The following PATJ variants were observed in gnomAD, a reference collection of about 807,000 sequenced individuals.
PATJ encodes the protein inaD-like protein.
In PATJ, 190 loss-of-function variants were observed where a neutral mutation model predicts 224.9. The observed-to-expected ratio is 0.84, with a 90% CI of 0.75 to 0.95. The LOEUF is 0.95. PATJ is among the 40% of genes least tolerant of loss of function. The probability of loss-of-function intolerance (pLI) is 0.00; values close to 1 mark genes in which losing one functional copy is unlikely to be tolerated. For missense variants in PATJ, 2,121 were observed against 2,270.3 expected (o/e 0.93, Z 1.34); for synonymous variants, 769 against 820.3 (o/e 0.94, Z 1.07).
At chr1:61,818,719 T>A (rs945290526) in intron 14 of PATJ, among the ~76,000 whole-genome samples, 1 of 152,172 alleles carries the variant, frequency 6.6e-6, no homozygotes, top group Admixed American at 6.5e-5. Flanking sequence ...CCATTTAAGT[T>A]TTCTAGGGAG....
chr1:62,074,343 A>C (rs866550602), intron 31 of PATJ, among the ~76,000 whole-genome samples: 77 of 152,156 alleles, frequency 5.1e-4, no homozygotes, highest in Middle Eastern at 6.8e-3. Flanking sequence ...TGTACCCTAA[A>C]ACTTAAAGTA....
At chr1:62,106,063 A>AAAAAATATAT (rs34767684) in intron 33 of PATJ, among the ~76,000 whole-genome samples, 23 of 39,662 alleles carry the variant, frequency 5.8e-4, no homozygotes, top group Non-Finnish European at 1.0e-3. Flanking sequence ...AAAAAAAAAA[A>AAAAAATATAT]ATATATATAT....
At chr1:62,021,186 G>A (rs973361938) in intron 29 of PATJ, among the ~76,000 whole-genome samples, 1 of 152,094 alleles carries the variant, frequency 6.6e-6, no homozygotes, top group Admixed American at 6.6e-5. Flanking sequence ...GGCTCTAGCA[G>A]ATTTGATGTC....
intron 29 of PATJ, among the ~76,000 whole-genome samples, chr1:62,030,454 G>C (rs1287089715): frequency 6.6e-6 from 1 of 152,090 alleles, no homozygotes; most frequent in African/African-American, 2.4e-5. Context: ...TGGTGTCTGT[G>C]CCTTTGCTTA....
chr1:61,932,610 CTG>C (rs1676198541), intron 27 of PATJ, among the ~76,000 whole-genome samples: 1 of 152,184 alleles, frequency 6.6e-6, no homozygotes, highest in African/African-American at 2.4e-5. Context: ...GATAAAATAA[CTG>C]TAGTGTGCGG....
chr1:61,937,657 T>C (rs1023758382), intron 27 of PATJ, among the ~76,000 whole-genome samples: 2 of 150,184 alleles, frequency 1.3e-5, no homozygotes, highest in African/African-American at 4.9e-5. Flanking sequence ...CTTCTTTTTT[T>C]TTTTTTTTTT....
intron 43 of PATJ, among the ~76,000 whole-genome samples, chr1:62,159,966 A>G (rs548410089): frequency 2.0e-5 from 3 of 152,172 alleles, no homozygotes; most frequent in African/African-American, 7.2e-5. Context: ...AGATCTCAGG[A>G]GCGTTAGTGC....
chr1:61,810,718 ATAAAT>A (rs1159199932), intron 14 of PATJ, among the ~76,000 whole-genome samples: 5 of 149,728 alleles, frequency 3.3e-5, no homozygotes, highest in Admixed American at 6.6e-5. Flanking sequence ...AAATAAATAA[ATAAAT>A]AAATAAATAA....
intron 21 of PATJ, 119 bp from the exon 22 acceptor site, chr1:61,884,118 T>G (rs1475676022): frequency 3.5e-6 from 2 of 573,866 alleles, no homozygotes; most frequent in Non-Finnish European, 6.0e-6. Context: ...TACTTTAATA[T>G]TTTCAGTCTC....
Position 61,833,664 on chromosome 1 carries a change from A to G in PATJ, c.1991A>G (p.Asn664Ser). 1 of 1,612,298 alleles carries G rather than the reference A, an allele frequency of 6.2e-7. No homozygotes were observed. The highest frequency in any genetic ancestry group is 1.3e-5 in the African/African-American group (1 of 74,958). ...TCTTTGGTATTTCAGGTTGACCACA[A>G]TATGGATGTCAATACTGAAGAAGAT... is the stretch of plus-strand genomic sequence containing the variant. ...TSLPETEVDHNMDVNTEEDDD... is the reference protein window; with the variant it reads ...TSLPETEVDHSMDVNTEEDDD... The change falls in exon 17 of 44, where the codon AAT becomes AGT. Residue 664 changes from asparagine (N) to serine (S), a missense_variant. Transcript: ENST00000642238.
chr1:61,790,422 A>C (rs1270112309), intron 8 of PATJ, among the ~76,000 whole-genome samples: 1 of 151,704 alleles, frequency 6.6e-6, no homozygotes, highest in African/African-American at 2.4e-5. Context: ...TTGTTAGTTC[A>C]TAGTTAGTTC....
chr1:62,051,297 TTTTTTG>T (rs957817653), intron 31 of PATJ, among the ~76,000 whole-genome samples: 1 of 152,070 alleles, frequency 6.6e-6, no homozygotes, highest in Admixed American at 6.6e-5. Context: ...TCTCCTCTTT[TTTTTTG>T]TTTTTGTTTT....
chr1:61,829,367 G>C (rs1003089829), intron 16 of PATJ, among the ~76,000 whole-genome samples: 2 of 152,138 alleles, frequency 1.3e-5, no homozygotes, highest in African/African-American at 2.4e-5. Flanking sequence ...GACTTTTGCT[G>C]TCCTTACCAA....
At chr1:62,129,075 G>C in intron 41 of PATJ, 130 bp downstream of exon 41, 1 of 531,524 alleles carries the variant, frequency 1.9e-6, no homozygotes, top group Non-Finnish European at 3.4e-6. Flanking sequence ...AAGGTTGAAA[G>C]CAAGAAATTA....
At chr1:61,975,084 A>G (rs1271144339) in intron 27 of PATJ, among the ~76,000 whole-genome samples, 1 of 151,982 alleles carries the variant, frequency 6.6e-6, no homozygotes, top group Non-Finnish European at 1.5e-5. Context: ...AGCTGGGACT[A>G]TAGGCATGAG....
chr1:62,119,819 C>G (rs897016706), intron 37 of PATJ, among the ~76,000 whole-genome samples: 3 of 152,112 alleles, frequency 2.0e-5, no homozygotes, highest in African/African-American at 7.2e-5. Flanking sequence ...TGGTGGGCTC[C>G]TGTAACCCCA....
At chr1:61,850,066 T>G (rs1490992898) in intron 17 of PATJ, among the ~76,000 whole-genome samples, 3 of 152,220 alleles carry the variant, frequency 2.0e-5, no homozygotes, top group Non-Finnish European at 4.4e-5. Flanking sequence ...ACTTCGTGTC[T>G]TTTCACTGAG....
intron 21 of PATJ, among the ~76,000 whole-genome samples, chr1:61,878,821 T>C (rs955564848): frequency 1.3e-5 from 2 of 151,864 alleles, no homozygotes; most frequent in Non-Finnish European, 2.9e-5. Context: ...TCTCACTGTG[T>C]CACCCATGCT....
intron 27 of PATJ, among the ~76,000 whole-genome samples, chr1:61,978,158 A>G (rs1644245516): frequency 6.6e-6 from 1 of 151,678 alleles, no homozygotes; most frequent in Non-Finnish European, 1.5e-5. Context: ...TTACAGGAAG[A>G]GACATTTTCT....
Sources: allele counts gnomAD v4.1 joint callset (sites outside exome capture counted in the v4.1 genomes callset), GRCh38; gene constraint gnomAD v4.1.1; transcripts MANE v1.5; gene names NCBI Gene and HGNC (gene_info 2026-07-23, HGNC 2026-07-21).